The following FARP1 variants were observed in gnomAD, a reference collection of about 807,000 sequenced individuals.
The protein encoded by FARP1 is FERM, ARHGEF and pleckstrin domain-containing protein 1.
FARP1 carries 52 observed loss-of-function variants against 128.8 expected under a neutral mutation model. The observed-to-expected ratio is 0.40, with a 90% CI of 0.32 to 0.51. The LOEUF (loss-of-function observed/expected upper bound fraction) is 0.51, where lower values mean the gene tolerates loss of function less well. Ranked by LOEUF, FARP1 falls within the 20% of genes least tolerant of loss-of-function variation. The pLI, the probability that FARP1 is intolerant of heterozygous loss-of-function variation, is 0.45. For missense variants in FARP1, 1,333 were observed against 1,367.9 expected, an observed-to-expected ratio of 0.97 and a Z score of 0.40; for synonymous variants, 580 against 551.8, an observed-to-expected ratio of 1.05 and a Z score of -0.72.
At chr13:98,212,005 C>A (rs1387504799) in intron 1 of FARP1, among the ~76,000 whole-genome samples, 1 of 96,166 alleles carries the variant, frequency 1.0e-5, no homozygotes, top group Non-Finnish European at 2.1e-5. Context: ...TTGACAGCCA[C>A]GAGCACAGAG....
At chr13:98,387,473 T>C (rs1221685161) in intron 8 of FARP1, among the ~76,000 whole-genome samples, 1 of 152,242 alleles carries the variant, frequency 6.6e-6, no homozygotes, top group African/African-American at 2.4e-5. Context: ...ACCTGGGTAA[T>C]GTAGTCACGT....
chr13:98,411,350 T>C (rs2140119052), intron 15 of FARP1, among the ~76,000 whole-genome samples: 1 of 152,264 alleles, frequency 6.6e-6, no homozygotes, highest in East Asian at 1.9e-4. Flanking sequence ...GGGAGGGAAA[T>C]TGGGATCACT....
intron 2 of FARP1, among the ~76,000 whole-genome samples, chr13:98,247,725 G>A (rs762275749): frequency 2.0e-5 from 3 of 152,242 alleles, no homozygotes; most frequent in East Asian, 1.9e-4. Context: ...GGCAGTTCAC[G>A]AGGAGCCAGA....
rs375668710 is a variant in FARP1 at position 98,176,184 on chromosome 13, A to G, written c.-24+32692A>G. On this transcript the variant is annotated intron_variant, in intron 1 of 26. Transcript: ENST00000319562. The surrounding 1 kb of genome is among the most constrained non-coding windows in gnomAD (Gnocchi z 6.2). ...TTTCTTATCTCTTTTTTCCTAAAAG[A>G]ACAAAAAAATTTATTTAAATGTGAG... is the stretch of plus-strand genomic sequence containing the variant. 1,993 of 1,610,890 alleles carry G rather than the reference A, an allele frequency of 1.2e-3. 27 individuals are homozygous for G. The South Asian group carries it at 0.021, about 17-fold the overall frequency.
chr13:98,146,647 G>A (rs1169264711), intron 1 of FARP1, among the ~76,000 whole-genome samples: 4 of 152,242 alleles, frequency 2.6e-5, no homozygotes, highest in Admixed American at 1.3e-4. Flanking sequence ...CTCACCAGCT[G>A]AAGGTGCTAC....
chr13:98,258,099 G>C (rs182754554), intron 2 of FARP1, among the ~76,000 whole-genome samples: 1 of 151,930 alleles, frequency 6.6e-6, no homozygotes, highest in Non-Finnish European at 1.5e-5. Flanking sequence ...TCAGCCTCCC[G>C]AGTAGCTGAG....
chr13:98,390,253 C>T (rs184656881), intron 10 of FARP1, 133 bp downstream of exon 10: 19 of 956,358 alleles, frequency 2.0e-5, no homozygotes, highest in East Asian at 9.8e-5. Context: ...CAAGCGGGGG[C>T]GCTTGTATCT....
intron 1 of FARP1, among the ~76,000 whole-genome samples, chr13:98,195,928 A>C (rs1051686106): frequency 6.6e-6 from 1 of 152,138 alleles, no homozygotes; most frequent in Non-Finnish European, 1.5e-5. Context: ...CAGGAGGCTG[A>C]GGTGAGAGGA....
At chr13:98,181,212 T>C (rs1229351595) in intron 1 of FARP1, among the ~76,000 whole-genome samples, 1 of 152,134 alleles carries the variant, frequency 6.6e-6, no homozygotes, top group Non-Finnish European at 1.5e-5. Context: ...AAGGAAAAAA[T>C]TGGGATGAAC....
At chr13:98,383,248 G>A (rs745460657) in intron 6 of FARP1, among the ~76,000 whole-genome samples, 1 of 152,216 alleles carries the variant, frequency 6.6e-6, no homozygotes, top group African/African-American at 2.4e-5. Context: ...AACATATAAC[G>A]ATGGCAGTAT....
At chr13:98,146,250 T>TG (rs1875543401) in intron 1 of FARP1, among the ~76,000 whole-genome samples, 5 of 151,686 alleles carry the variant, frequency 3.3e-5, no homozygotes, top group Non-Finnish European at 5.9e-5. Flanking sequence ...TTTTTTGAGA[T>TG]GGAGTTTTGC....
chr13:98,281,105 C>G (rs1884915756), intron 2 of FARP1, among the ~76,000 whole-genome samples: 1 of 152,152 alleles, frequency 6.6e-6, no homozygotes. Flanking sequence ...CCTGTAATCC[C>G]AGCACTTTGA....
Position 98,294,804 on chromosome 13 carries a change from G to T in FARP1, c.172-48958G>T, listed in dbSNP as rs548108794. ...GGCTGAGGCAGGCGGATCACCTGAG[G>T]CCAGGAGTTCAAGACCAGCCTGGCC... is the stretch of plus-strand genomic sequence containing the variant. On this transcript the variant is annotated intron_variant, in intron 2 of 26. Coordinates refer to ENST00000319562, the MANE Select transcript of FARP1 (RefSeq NM_005766.4). Among the ~76,000 whole-genome samples the T allele has an allele frequency of 5.9e-5, 9 of 152,112 alleles. No homozygotes were observed. In the East Asian group the frequency reaches 1.5e-3, roughly 26 times the overall value.
At chr13:98,357,942 A>T (rs944441842) in intron 3 of FARP1, among the ~76,000 whole-genome samples, 2 of 152,176 alleles carry the variant, frequency 1.3e-5, no homozygotes, top group African/African-American at 2.4e-5. Context: ...ATTCCCGACT[A>T]CTAAAGCGTG....
rs1892233880 is a variant in FARP1, at chr13:98,435,713, AGCAGTGGCCTCACTAT to A, written c.2274+11_2274+26del. 1 of 1,613,954 alleles carries A rather than the reference AGCAGTGGCCTCACTAT, an allele frequency of 6.2e-7. No homozygotes were observed. The highest frequency in any genetic ancestry group is 1.3e-5 in the African/African-American group (1 of 74,938). On this transcript the variant is annotated splice_region_variant and intron_variant, in intron 19 of 26. Transcript: ENST00000319562. ...TCTTGTGGTTCCGGGAAGGGTAAGC[AGCAGTGGCCTCACTAT>A]GCACTGCGCGGGGAGCAGAAAGGAG...
intron 13 of FARP1, chr13:98,407,421 C>T (rs1312563124): frequency 2.0e-5 from 3 of 151,964 alleles, no homozygotes; most frequent in African/African-American, 7.3e-5. Context: ...TTCTGTTTGA[C>T]ACGTTCCACT....
At chr13:98,295,268 G>C (rs1296662767) in intron 2 of FARP1, among the ~76,000 whole-genome samples, 2 of 152,044 alleles carry the variant, frequency 1.3e-5, no homozygotes, top group Non-Finnish European at 1.5e-5. Flanking sequence ...GGCAGGAATC[G>C]TAAATTGATT....
chr13:98,218,853 C>T (rs1881253838), intron 2 of FARP1, among the ~76,000 whole-genome samples: 1 of 152,068 alleles, frequency 6.6e-6, no homozygotes, highest in Non-Finnish European at 1.5e-5. Flanking sequence ...GTAGAAAATT[C>T]AAGTTTAAGT....
At chr13:98,273,428 TCCAAAAGG>T in intron 2 of FARP1, among the ~76,000 whole-genome samples, 1 of 152,152 alleles carries the variant, frequency 6.6e-6, no homozygotes, top group Non-Finnish European at 1.5e-5. Flanking sequence ...GTGCCTAAAC[TCCAAAAGG>T]GAGGGGATGT....
Sources: gnomAD v4.1 joint callset for allele counts (sites outside exome capture counted in the v4.1 genomes callset) on GRCh38, gnomAD v4.1.1 for gene constraint, Gnocchi (gnomAD v3.1) non-coding constraint, MANE v1.5 for transcripts, NCBI Gene and HGNC (gene_info 2026-07-23, HGNC 2026-07-21) for gene names.